LSAMP: variants seen among roughly 807,000 people sequenced by gnomAD.
LSAMP encodes the protein limbic system-associated membrane protein.
Under a neutral mutation model 38.6 loss-of-function variants are expected in LSAMP, and 7 were observed. The observed-to-expected ratio is 0.18, with a 90% confidence interval of 0.10 to 0.34. LSAMP has a LOEUF of 0.34. Ranked by LOEUF, LSAMP falls within the 10% of genes least tolerant of loss-of-function variation. The pLI, the probability that LSAMP is intolerant of heterozygous loss-of-function variation, is 1.00. For synonymous variants in LSAMP, 154 were observed against 166.8 expected (o/e 0.92, Z 0.59); for missense variants, 313 against 420.0 (o/e 0.75, Z 2.23).
intron 3 of LSAMP, among the ~76,000 whole-genome samples, chr3:115,889,719 A>C (rs1160604229): frequency 6.6e-6 from 1 of 151,938 alleles, no homozygotes; most frequent in Non-Finnish European, 1.5e-5. Flanking sequence ...TTTCCTCTTT[A>C]CTATATCTGA....
chr3:115,840,247 A>G (rs1490570695), intron 6 of LSAMP, among the ~76,000 whole-genome samples: 13 of 152,158 alleles, frequency 8.5e-5, no homozygotes, highest in Non-Finnish European at 1.9e-4. Flanking sequence ...ACTAATCTCT[A>G]TACAACCTTC....
At chr3:116,058,843 A>G (rs56142426) in intron 2 of LSAMP, among the ~76,000 whole-genome samples, 2,488 of 152,274 alleles carry the variant, frequency 0.016, 61 homozygotes, top group African/African-American at 0.055. Context: ...CGTGTTTCTA[A>G]GACACATACA....
At chr3:116,413,596 T>C (rs1401298596) in intron 1 of LSAMP, among the ~76,000 whole-genome samples, 2 of 152,126 alleles carry the variant, frequency 1.3e-5, no homozygotes, top group East Asian at 3.9e-4. Context: ...GCAAAGGTAC[T>C]ATACTTTAAA....
intron 3 of LSAMP, among the ~76,000 whole-genome samples, chr3:115,926,605 G>A (rs1373904338): frequency 1.3e-5 from 2 of 152,212 alleles, no homozygotes; most frequent in African/African-American, 4.8e-5. Flanking sequence ...TGGGAGTCCT[G>A]TGGGGGTGTG....
chr3:115,923,489 C>G (rs1261553415), intron 3 of LSAMP, among the ~76,000 whole-genome samples: 2 of 152,180 alleles, frequency 1.3e-5, no homozygotes, highest in Non-Finnish European at 2.9e-5. Context: ...ATCAGTGTTT[C>G]TGTGGAAGAC....
intron 1 of LSAMP, among the ~76,000 whole-genome samples, chr3:116,404,294 G>A (rs1021330897): frequency 2.0e-5 from 3 of 152,088 alleles, no homozygotes; most frequent in Non-Finnish European, 4.4e-5. Context: ...AATAGAGAAA[G>A]TTAGAATTCT....
chr3:116,081,071 A>G (rs1354984491), intron 2 of LSAMP, among the ~76,000 whole-genome samples: 1 of 152,218 alleles, frequency 6.6e-6, no homozygotes, highest in African/African-American at 2.4e-5. Flanking sequence ...GTTCTGGGTA[A>G]CAGATTTTGG....
chr3:116,108,550 G>T (rs1463948449), intron 1 of LSAMP, among the ~76,000 whole-genome samples: 4 of 152,186 alleles, frequency 2.6e-5, no homozygotes, highest in Non-Finnish European at 5.9e-5. Flanking sequence ...ATGGTCTACG[G>T]TGTTTCCGAG....
chr3:115,838,162 C>A (rs1934857003), intron 6 of LSAMP: 2 of 152,202 alleles, frequency 1.3e-5, no homozygotes, highest in African/African-American at 4.8e-5. Flanking sequence ...CTGTTTCTGA[C>A]ACAAAAATAT....
At position 116,014,976 on chromosome 3, in the gene LSAMP, T is replaced by C. The variant is rs1019718492; in HGVS notation, c.514+4539A>G. ...TCAGTGAAGGGTTCAGACTTGGAAA[T>C]GAATTGAAAGTGGAATCTCAGATCA... On this transcript the variant is annotated intron_variant, in intron 3 of 6. Transcript: ENST00000490035. Among the ~76,000 whole-genome samples, 7 of 152,230 alleles carry C rather than the reference T, an allele frequency of 4.6e-5. No individual in the cohort carries two copies. The South Asian group carries it at 6.2e-4, about 14-fold the overall frequency.
chr3:116,251,066 C>T (rs371723035), intron 1 of LSAMP, among the ~76,000 whole-genome samples: 4 of 152,198 alleles, frequency 2.6e-5, no homozygotes, highest in Non-Finnish European at 4.4e-5. Flanking sequence ...GTCATGAGTT[C>T]ACTACCCTCT....
chr3:116,098,169 A>G (rs1161336432), intron 1 of LSAMP, among the ~76,000 whole-genome samples: 2 of 152,198 alleles, frequency 1.3e-5, no homozygotes, highest in Admixed American at 1.3e-4. Flanking sequence ...CCTCTCCCAG[A>G]TGACAAGAAG....
intron 1 of LSAMP, among the ~76,000 whole-genome samples, chr3:116,385,911 T>G (rs901132373): frequency 6.8e-6 from 1 of 147,582 alleles, no homozygotes; most frequent in Non-Finnish European, 1.5e-5. Context: ...ATAGTTATTA[T>G]TATTGACATT....
intron 1 of LSAMP, among the ~76,000 whole-genome samples, chr3:116,291,108 C>A (rs771008646): frequency 5.9e-5 from 9 of 152,298 alleles, no homozygotes; most frequent in Admixed American, 2.0e-4. Flanking sequence ...CTGTACTGGG[C>A]TTGTTCCTCT....
intron 1 of LSAMP, among the ~76,000 whole-genome samples, chr3:116,271,317 T>C (rs79038028): frequency 0.059 from 8,981 of 152,044 alleles, 339 homozygotes; most frequent in Middle Eastern, 0.11. Flanking sequence ...GTAATGAAAG[T>C]CCAGCTTCTC....
intron 1 of LSAMP, among the ~76,000 whole-genome samples, chr3:116,136,143 C>A (rs757300445): frequency 2.7e-4 from 41 of 152,280 alleles, no homozygotes; most frequent in Admixed American, 7.2e-4. Context: ...CCACCCATTT[C>A]TTTCATATAC....
At chr3:116,435,546 C>G (rs896101900) in intron 1 of LSAMP, among the ~76,000 whole-genome samples, 8 of 152,300 alleles carry the variant, frequency 5.3e-5, no homozygotes, top group African/African-American at 1.7e-4. Context: ...CTCAAGAGAT[C>G]TTGTCCTGCG....
At chr3:116,203,488 C>T (rs1221773382) in intron 1 of LSAMP, among the ~76,000 whole-genome samples, 16 of 151,186 alleles carry the variant, frequency 1.1e-4, no homozygotes, top group South Asian at 2.1e-4. Flanking sequence ...CATGCTGGTG[C>T]GCTGCACCCA....
At chr3:116,210,123 A>C (rs1187159118) in intron 1 of LSAMP, among the ~76,000 whole-genome samples, 3 of 152,100 alleles carry the variant, frequency 2.0e-5, no homozygotes, top group Non-Finnish European at 2.9e-5. Context: ...TGCCTTTGGC[A>C]TTTGTGTCTC....
Sources: gnomAD v4.1 joint callset for allele counts (sites outside exome capture counted in the v4.1 genomes callset) on GRCh38, gnomAD v4.1.1 for gene constraint, MANE v1.5 for transcripts, NCBI Gene and HGNC (gene_info 2026-07-23, HGNC 2026-07-21) for gene names.